SERGEF: variants seen among roughly 807,000 people sequenced by gnomAD.
SERGEF encodes the protein secretion-regulating guanine nucleotide exchange factor.
SERGEF carries 51 observed loss-of-function variants against 50.0 expected under a neutral mutation model. The observed-to-expected ratio is 1.02, with a 90% CI of 0.81 to 1.29. The LOEUF is 1.29. Among genes scored for constraint, SERGEF ranks in the 50% most tolerant of loss-of-function variants. The pLI is 0.00. For missense variants in SERGEF, 521 were observed against 557.0 expected (o/e 0.94, Z 0.65); for synonymous variants, 205 against 212.4 (o/e 0.97, Z 0.30).
At chr11:17,809,460 A>C (rs1323378863) in intron 10 of SERGEF, among the ~76,000 whole-genome samples, 1 of 152,226 alleles carries the variant, frequency 6.6e-6, no homozygotes, top group African/African-American at 2.4e-5. Flanking sequence ...CAGAGGCAAA[A>C]TCTGGCATAA....
intron 6 of SERGEF, among the ~76,000 whole-genome samples, chr11:17,994,231 T>C (rs1853782320): frequency 6.6e-6 from 1 of 151,946 alleles, no homozygotes; most frequent in Non-Finnish European, 1.5e-5. Context: ...GTCTAGCACT[T>C]TGGGAGGCCG....
intron 10 of SERGEF, among the ~76,000 whole-genome samples, chr11:17,799,619 A>G (rs906901847): frequency 3.9e-5 from 6 of 152,198 alleles, no homozygotes; most frequent in African/African-American, 1.4e-4. Context: ...TGTGCAGAAG[A>G]GGAAGCTAGG....
chr11:17,959,922 T>C (rs1565215809), intron 8 of SERGEF, among the ~76,000 whole-genome samples: 1 of 152,218 alleles, frequency 6.6e-6, no homozygotes, highest in Non-Finnish European at 1.5e-5. Context: ...TATATAGATA[T>C]GAATATGACT....
At chr11:17,870,316 C>A (rs1459318558) in intron 10 of SERGEF, among the ~76,000 whole-genome samples, 1 of 152,086 alleles carries the variant, frequency 6.6e-6, no homozygotes, top group Non-Finnish European at 1.5e-5. Context: ...ATTATCCAGG[C>A]AGGGATGATG....
At chr11:17,893,847 A>G (rs555108970) in intron 9 of SERGEF, among the ~76,000 whole-genome samples, 1 of 152,258 alleles carries the variant, frequency 6.6e-6, no homozygotes, top group Non-Finnish European at 1.5e-5. Context: ...CAGCAAGAAA[A>G]CCACAGGCAC....
chr11:17,816,194 T>C (rs983483222), intron 10 of SERGEF, among the ~76,000 whole-genome samples: 6 of 152,148 alleles, frequency 3.9e-5, no homozygotes, highest in Non-Finnish European at 7.4e-5. Context: ...CTCAGCACCA[T>C]GGTGTCTCCT....
intron 8 of SERGEF, among the ~76,000 whole-genome samples, chr11:17,985,132 T>C (rs1306411437): frequency 1.3e-5 from 2 of 152,142 alleles, no homozygotes; most frequent in Non-Finnish European, 2.9e-5. Context: ...GGCCAGCTCA[T>C]GAGCTTTCAG....
chr11:17,914,568 A>T (rs1447330897), intron 9 of SERGEF, among the ~76,000 whole-genome samples: 1 of 152,146 alleles, frequency 6.6e-6, no homozygotes, highest in Non-Finnish European at 1.5e-5. Flanking sequence ...ACAGGCATGT[A>T]CTACTGCCCT....
intron 10 of SERGEF, among the ~76,000 whole-genome samples, chr11:17,839,386 C>T (rs998310718): frequency 2.6e-5 from 4 of 152,122 alleles, no homozygotes; most frequent in South Asian, 2.1e-4. Context: ...CTCATAAAAT[C>T]GGCTTTAGTA....
chr11:17,822,606 G>A (rs1325004139), intron 10 of SERGEF, among the ~76,000 whole-genome samples: 1 of 152,148 alleles, frequency 6.6e-6, no homozygotes, highest in East Asian at 1.9e-4. Context: ...GGCAGGAGTG[G>A]AATCTGCATT....
chr11:17,965,975 A>C (rs537530885), intron 8 of SERGEF, among the ~76,000 whole-genome samples: 78 of 152,298 alleles, frequency 5.1e-4, no homozygotes, highest in Middle Eastern at 3.4e-3. Flanking sequence ...GGCCATTACT[A>C]CTACTATTCT....
chr11:17,794,002 C>T (rs1849531523), intron 10 of SERGEF, among the ~76,000 whole-genome samples: 1 of 152,202 alleles, frequency 6.6e-6, no homozygotes, highest in Admixed American at 6.5e-5. Context: ...GCAACTAAGT[C>T]CTCATAGGGC....
At chr11:17,973,467 A>G (rs901725388) in intron 8 of SERGEF, among the ~76,000 whole-genome samples, 1 of 152,190 alleles carries the variant, frequency 6.6e-6, no homozygotes, top group Admixed American at 6.5e-5. Context: ...GGGAAATGGG[A>G]AGCTCAGATT....
At chr11:17,903,359 C>T (rs1451270440) in intron 9 of SERGEF, among the ~76,000 whole-genome samples, 1 of 152,114 alleles carries the variant, frequency 6.6e-6, no homozygotes, top group Non-Finnish European at 1.5e-5. Context: ...CAAGAAGATA[C>T]AGCTAGAATA....
At chr11:17,827,237 C>T (rs997949722) in intron 10 of SERGEF, among the ~76,000 whole-genome samples, 1 of 152,100 alleles carries the variant, frequency 6.6e-6, no homozygotes, top group Admixed American at 6.5e-5. Context: ...ACTGGAGGGT[C>T]CTTGAGATCA....
intron 9 of SERGEF, among the ~76,000 whole-genome samples, chr11:17,913,983 A>T (rs1037626486): frequency 1.3e-5 from 2 of 152,242 alleles, no homozygotes; most frequent in African/African-American, 4.8e-5. Flanking sequence ...ATTCTCACTG[A>T]CTACATGACT....
At chr11:17,903,900 C>T in intron 9 of SERGEF, among the ~76,000 whole-genome samples, 1 of 152,240 alleles carries the variant, frequency 6.6e-6, no homozygotes, top group Non-Finnish European at 1.5e-5. Flanking sequence ...CGTAGGTCAT[C>T]TTAAGTGACA....
chr11:17,840,339 T>G (rs564756321), intron 10 of SERGEF, among the ~76,000 whole-genome samples: 9 of 152,310 alleles, frequency 5.9e-5, no homozygotes, highest in African/African-American at 2.2e-4. Flanking sequence ...CAAATGTTCT[T>G]AAAGCATGTA....
intron 9 of SERGEF, among the ~76,000 whole-genome samples, chr11:17,935,895 T>TG (rs1265183930): frequency 2.0e-5 from 3 of 152,174 alleles, no homozygotes; most frequent in African/African-American, 7.2e-5. Flanking sequence ...AGTGGGGAGA[T>TG]GGGGCAGCAG....
Sources: allele counts gnomAD v4.1 joint callset (sites outside exome capture counted in the v4.1 genomes callset), GRCh38; gene constraint gnomAD v4.1.1; transcripts MANE v1.5; gene names NCBI Gene and HGNC (gene_info 2026-07-23, HGNC 2026-07-21).